AK5: variants seen among roughly 807,000 people sequenced by gnomAD.
The protein encoded by AK5 is adenylate kinase isoenzyme 5.
A neutral mutation model predicts 69.5 loss-of-function variants in AK5; 27 were observed. The observed-to-expected ratio is 0.39, with a 90% CI of 0.29 to 0.54. The LOEUF (loss-of-function observed/expected upper bound fraction) is 0.54. Among genes scored for constraint, AK5 ranks in the 20% least tolerant of loss-of-function variants. The pLI is 0.71. For missense variants in AK5, 531 were observed against 700.4 expected, an observed-to-expected ratio of 0.76 and a Z score of 2.73; for synonymous variants, 260 against 244.4, an observed-to-expected ratio of 1.06 and a Z score of -0.60.
chr1:77,456,687 G>A (rs1653504762), intron 8 of AK5, among the ~76,000 whole-genome samples: 1 of 152,178 alleles, frequency 6.6e-6, no homozygotes, highest in Admixed American at 6.5e-5. Flanking sequence ...GAGAAAATGG[G>A]ATGGTTGGTC....
intron 6 of AK5, among the ~76,000 whole-genome samples, chr1:77,366,114 A>G (rs17100458): frequency 0.14 from 21,267 of 152,132 alleles, 1,656 homozygotes; most frequent in African/African-American, 0.19. Flanking sequence ...AATTATAGCT[A>G]CTATTGATAA....
Position 77,412,738 on chromosome 1 carries a change from ACT to A in AK5, c.982+1672_982+1673del, listed in dbSNP as rs955459823. ...CCCGCCACTGTTTTTTTCTCTCTCA[ACT>A]CTCTTTCTGCAGAATCTCAGCTGCC... On this transcript the variant is annotated intron_variant, in intron 7 of 13. Coordinates refer to ENST00000354567, the MANE Select transcript of AK5 (RefSeq NM_174858.3). 1.6e-3 allele frequency among the ~76,000 whole-genome samples: 239 copies of A among 151,260 alleles called. 2 individuals are homozygous for A. Among genetic ancestry groups the A allele is most frequent in the Non-Finnish European group, 4.9e-4 (33 of 67,706 alleles).
Position 77,297,825 on chromosome 1 carries a change from T to C in AK5, c.586-9T>C, listed in dbSNP as rs756544886. ...GGGGTTTTTTTGTCATCCTTTCTGTTTATAAAAGGAAACAACAATTACAGA... is the reference window on the plus strand; with the variant it reads ...GGGGTTTTTTTGTCATCCTTTCTGTCTATAAAAGGAAACAACAATTACAGA... On this transcript the variant is annotated splice_polypyrimidine_tract_variant and intron_variant, in intron 4 of 13. Coordinates refer to ENST00000354567, the MANE Select transcript of AK5 (RefSeq NM_174858.3). 1 of 1,606,640 alleles carries C rather than the reference T, an allele frequency of 6.2e-7. No homozygotes were observed. Among genetic ancestry groups the C allele is most frequent in the Non-Finnish European group, 8.5e-7 (1 of 1,176,358 alleles).
intron 8 of AK5, among the ~76,000 whole-genome samples, chr1:77,438,555 C>T (rs960881664): frequency 1.3e-5 from 2 of 152,082 alleles, no homozygotes; most frequent in Non-Finnish European, 2.9e-5. Flanking sequence ...CATCTCACAC[C>T]TACCACTTTG....
chr1:77,291,952 A>T (rs1201305644), intron 2 of AK5, among the ~76,000 whole-genome samples: 1 of 152,204 alleles, frequency 6.6e-6, no homozygotes. Context: ...AGTGTCAATG[A>T]CAAGAAGCAG....
At position 77,367,789 on chromosome 1, in the gene AK5, A is replaced by ATATGTTATATATAATATATGT. The variant is rs1647010719; in HGVS notation, c.891+27224_891+27225insGTTATATATAATATATGTTAT. ...ATATATGTTATATATAATATATGTT[A>ATATGTTATATATAATATATGT]TATATGTTATATATAATATATGTTA... On this transcript the variant is annotated intron_variant, in intron 6 of 13. Transcript: ENST00000354567. Among the ~76,000 whole-genome samples the ATATGTTATATATAATATATGT allele has an allele frequency of 2.0e-4, 4 of 20,072 alleles. 1 individual carries two copies. Among genetic ancestry groups the ATATGTTATATATAATATATGT allele is most frequent in the East Asian group, 2.6e-3 (1 of 390 alleles). 13.2% of individuals were successfully genotyped at this position (20,072 alleles called of 152,430 possible).
At chr1:77,509,588 G>A (rs1657226775) in intron 10 of AK5, among the ~76,000 whole-genome samples, 1 of 151,956 alleles carries the variant, frequency 6.6e-6, no homozygotes, top group Admixed American at 6.6e-5. Flanking sequence ...CCCAACATAG[G>A]GACCTATTTT....
In AK5 at chr1:77,358,452, T is replaced by C. The variant is rs76999368; in HGVS notation, c.891+17884T>C. ...AATTATTTGTTCTCATCTCCATGTCTTGAGGAGTCAAAAGGTCCCCATTGA... is the reference window on the plus strand; with the variant it reads ...AATTATTTGTTCTCATCTCCATGTCCTGAGGAGTCAAAAGGTCCCCATTGA... On this transcript the variant is annotated intron_variant, in intron 6 of 13. Coordinates refer to ENST00000354567, the MANE Select transcript of AK5 (RefSeq NM_174858.3). Among the ~76,000 whole-genome samples the C allele has an allele frequency of 4.2e-3, 638 of 152,244 alleles. 4 individuals carry two copies. The highest frequency in any genetic ancestry group is 0.015 in the African/African-American group (613 of 41,528).
intron 5 of AK5, among the ~76,000 whole-genome samples, chr1:77,320,606 AGGTAT>A (rs1284397019): frequency 6.6e-6 from 1 of 152,026 alleles, no homozygotes; most frequent in Non-Finnish European, 1.5e-5. Context: ...AAAATTAGCC[AGGTAT>A]GGTGGTGCAT....
At chr1:77,477,147 C>T (rs990217864) in intron 8 of AK5, among the ~76,000 whole-genome samples, 7 of 152,040 alleles carry the variant, frequency 4.6e-5, no homozygotes, top group African/African-American at 1.7e-4. Flanking sequence ...CCAGCCTTAG[C>T]CTCCTGAGTA....
intron 8 of AK5, among the ~76,000 whole-genome samples, chr1:77,436,779 A>C (rs1651987217): frequency 6.6e-6 from 1 of 152,118 alleles, no homozygotes; most frequent in Admixed American, 6.5e-5. Context: ...AAGATATTAG[A>C]CAAGGCTAGT....
chr1:77,479,513 G>T (rs948145196), intron 8 of AK5, among the ~76,000 whole-genome samples: 5 of 152,108 alleles, frequency 3.3e-5, no homozygotes, highest in Non-Finnish European at 7.4e-5. Flanking sequence ...GCCTGAAATT[G>T]TCTTTTGGTG....
intron 10 of AK5, among the ~76,000 whole-genome samples, chr1:77,512,275 G>A (rs1206029227): frequency 6.6e-6 from 1 of 152,126 alleles, no homozygotes; most frequent in African/African-American, 2.4e-5. Context: ...GAGAGAGATC[G>A]TGCACACACG....
chr1:77,360,814 A>G (rs1234965022), intron 6 of AK5, among the ~76,000 whole-genome samples: 4 of 152,194 alleles, frequency 2.6e-5, no homozygotes, highest in Non-Finnish European at 5.9e-5. Context: ...CAATTCAGCT[A>G]ACTTCAACGA....
intron 6 of AK5, among the ~76,000 whole-genome samples, chr1:77,385,607 G>T (rs559963344): frequency 1.3e-5 from 2 of 152,160 alleles, no homozygotes; most frequent in African/African-American, 4.8e-5. Context: ...CAACGAAAAG[G>T]CCTTTTGAGG....
chr1:77,334,443 A>G (rs533417878), intron 5 of AK5, among the ~76,000 whole-genome samples: 37 of 152,024 alleles, frequency 2.4e-4, no homozygotes, highest in South Asian at 8.3e-4. Context: ...TCTGCTTATT[A>G]TTGTTGGTTT....
rs547094666 is a variant in AK5, at chr1:77,507,435, A to T, written c.1148-11129A>T. On this transcript the variant is annotated intron_variant, in intron 10 of 13. Coordinates refer to ENST00000354567, the MANE Select transcript of AK5 (RefSeq NM_174858.3). The stretch of plus-strand genomic sequence containing the variant: ...AAATAATTACAAGTAGAACACATAA[A>T]ACAGATATTTATTAGATAAAATATC... Among the ~76,000 whole-genome samples the T allele has an allele frequency of 9.2e-5, 14 of 152,394 alleles. No homozygotes were observed. The South Asian group carries it at 2.9e-3, about 32-fold the overall frequency.
chr1:77,520,010 T>C (rs958738559), intron 11 of AK5, among the ~76,000 whole-genome samples: 1 of 152,124 alleles, frequency 6.6e-6, no homozygotes, highest in African/African-American at 2.4e-5. Context: ...GAGACCAGCC[T>C]GGCCAACATG....
intron 6 of AK5, among the ~76,000 whole-genome samples, chr1:77,367,660 A>G (rs112399108): frequency 1.1e-5 from 1 of 95,132 alleles, no homozygotes; most frequent in Admixed American, 1.5e-4. Context: ...TATGTTATAT[A>G]TATGTTATAT....
Sources: gnomAD v4.1 joint callset for allele counts (sites outside exome capture counted in the v4.1 genomes callset) on GRCh38, gnomAD v4.1.1 for gene constraint, MANE v1.5 for transcripts, NCBI Gene and HGNC (gene_info 2026-07-23, HGNC 2026-07-21) for gene names.